SUSD4: variants seen among roughly 807,000 people sequenced by gnomAD.
SUSD4 encodes sushi domain containing 4.
SUSD4 carries 41 observed loss-of-function variants against 50.5 expected under a neutral mutation model. That is an observed-to-expected ratio of 0.81 (90% CI 0.63 to 1.05). The LOEUF is 1.05. SUSD4 is among the 50% of genes least tolerant of loss of function. The pLI is 0.00. For synonymous variants in SUSD4, 257 were observed against 257.3 expected (o/e 1.00, Z 0.01); for missense variants, 580 against 634.7 (o/e 0.91, Z 0.93).
In SUSD4 at chr1:223,292,592, G is replaced by C. The variant is rs1393048406; in HGVS notation, c.208C>G (p.Pro70Ala). Residue 70 changes from proline to alanine, a missense_variant, in exon 3 of 9, where the codon CCC becomes GCC. Physicochemically the swap from Pro to Ala is conservative, Grantham distance 27 (BLOSUM62 -1). Transcript: ENST00000366878. ...CCTTCAAAGAAAACCCCTCCGCTGGGGGTCCTGAAGCCATTCTCGGGAATG... is the reference window on the plus strand; with the variant it reads ...CCTTCAAAGAAAACCCCTCCGCTGGCGGTCCTGAAGCCATTCTCGGGAATG... ...PGIPENGFRTPSGGVFFEGSV... is the reference protein window; with the variant it reads ...PGIPENGFRTASGGVFFEGSV... 5 of 1,614,098 alleles carry C rather than the reference G, an allele frequency of 3.1e-6. No homozygotes were observed. The South Asian group carries it at 4.4e-5, about 14-fold the overall frequency.
rs2103004895 is a variant in SUSD4 at position 223,231,985 on chromosome 1, C to T, written c.725-2597G>A. Among the ~76,000 whole-genome samples the T allele has an allele frequency of 6.6e-6, 1 of 152,234 alleles. No individual in the cohort carries two copies. Among genetic ancestry groups the T allele is most frequent in the South Asian group, 2.1e-4 (1 of 4,816 alleles). On this transcript the variant is annotated intron_variant, in intron 5 of 8. Transcript: ENST00000366878. The surrounding 1 kb of genome is among the most constrained non-coding windows in gnomAD (Gnocchi z 4.2). ...ATATACACCACAGAATATTATTCAG[C>T]CTTAAAAAGGAAGGAAATCCTGCCA... is the stretch of plus-strand genomic sequence containing the variant.
Position 223,353,986 on chromosome 1 carries a change from G to A in SUSD4, c.148+9292C>T, listed in dbSNP as rs942898914. On this transcript the variant is annotated intron_variant, in intron 2 of 8. Transcript: ENST00000366878. ...GCAGAAGCTGCAGCGAGCCGAGATC[G>A]TGGCACTGCACTCCAGCCTGGGCAA... Among the ~76,000 whole-genome samples, 10 of 151,848 alleles carry A rather than the reference G, an allele frequency of 6.6e-5. No individual in the cohort carries two copies. In the South Asian group the frequency reaches 8.3e-4, roughly 13 times the overall value.
At chr1:223,320,619 G>C (rs1443728424) in intron 2 of SUSD4, among the ~76,000 whole-genome samples, 1 of 152,218 alleles carries the variant, frequency 6.6e-6, no homozygotes, top group African/African-American at 2.4e-5. Context: ...CAGACACACA[G>C]AAAGAATTCC....
chr1:223,286,661 C>T (rs1388157676), intron 3 of SUSD4, among the ~76,000 whole-genome samples: 3 of 152,216 alleles, frequency 2.0e-5, no homozygotes, highest in African/African-American at 7.2e-5. Context: ...CTAAAGAAGA[C>T]AGGCAAGGAA....
chr1:223,223,515 C>G lies in SUSD4; in HGVS notation c.1178G>C (p.Gly393Ala). 1 of 1,612,874 alleles carries G rather than the reference C, an allele frequency of 6.2e-7. No homozygotes were observed. The change falls in exon 8 of 9, where the codon GGG becomes GCG. Residue 393 changes from glycine to alanine, a missense_variant. Coordinates refer to ENST00000366878, the MANE Select transcript of SUSD4 (RefSeq NM_017982.4). ...VSGGLSALGP[G>A]YMASVGQGCP... ...GCCCTGGCCCACAGAGGCCATGTAC[C>G]CGGGGCCTAAGGCACTCAAGCCGCC...
chr1:223,268,693 G>T lies in SUSD4; in HGVS notation c.362-18C>A. On this transcript the variant is annotated intron_variant, in intron 3 of 8. Coordinates refer to ENST00000366878, the MANE Select transcript of SUSD4 (RefSeq NM_017982.4). ...ACGGCAATCTGCAATTTTGTAAAAG[G>T]TACACATTATTTTTGGAATTTTAAA... The T allele has an allele frequency of 6.2e-7, 1 of 1,600,662 alleles. No individual in the cohort carries two copies. Among genetic ancestry groups the T allele is most frequent in the Non-Finnish European group, 8.5e-7 (1 of 1,173,264 alleles).
At chr1:223,352,324 C>T (rs1668412558) in intron 2 of SUSD4, among the ~76,000 whole-genome samples, 1 of 152,176 alleles carries the variant, frequency 6.6e-6, no homozygotes, top group Non-Finnish European at 1.5e-5. Context: ...GTGCTCATTT[C>T]CATGTAAATG....
intron 2 of SUSD4, among the ~76,000 whole-genome samples, chr1:223,357,293 CAA>C: frequency 6.6e-6 from 1 of 152,182 alleles, no homozygotes. Flanking sequence ...TCACAACACA[CAA>C]GAGTTCCCTT....
chr1:223,230,409 C>T (rs931216632), intron 5 of SUSD4: 9 of 151,734 alleles, frequency 5.9e-5, no homozygotes, highest in African/African-American at 1.9e-4. Flanking sequence ...AAAACCTAAA[C>T]GAAAAAGAGT....
chr1:223,327,384 T>A (rs1057306859), intron 2 of SUSD4, among the ~76,000 whole-genome samples: 2 of 152,190 alleles, frequency 1.3e-5, no homozygotes, highest in African/African-American at 4.8e-5. Context: ...TTAGGTACAA[T>A]GTACATGACT....
In SUSD4 at chr1:223,229,169, C is replaced by T. The variant is rs1390471281; in HGVS notation, c.916+28G>A. On this transcript the variant is annotated intron_variant, in intron 6 of 8. Transcript: ENST00000366878. This position sits in a 1 kb window ranked among gnomAD's most constrained non-coding sequence, Gnocchi z 4.7. ...CAGATGGTCCAAGGAGGGTCCATCT[C>T]CTCCAAGGGTGAGGCCTTCAGTCTT... The T allele has an allele frequency of 7.0e-6, 11 of 1,580,678 alleles. No homozygotes were observed. Among genetic ancestry groups the T allele is most frequent in the Non-Finnish European group, 9.5e-6 (11 of 1,154,598 alleles).
At chr1:223,258,914 A>G (rs2103060929) in intron 5 of SUSD4, among the ~76,000 whole-genome samples, 1 of 152,232 alleles carries the variant, frequency 6.6e-6, no homozygotes, top group Non-Finnish European at 1.5e-5. Flanking sequence ...TGACCCTCCC[A>G]GTTCTTTCGA....
chr1:223,274,041 G>A (rs1181142578), intron 3 of SUSD4, among the ~76,000 whole-genome samples: 2 of 152,086 alleles, frequency 1.3e-5, no homozygotes, highest in Non-Finnish European at 2.9e-5. Context: ...CACAAGTGAG[G>A]GGGGTCTTGG....
intron 2 of SUSD4, among the ~76,000 whole-genome samples, chr1:223,351,596 G>T (rs1287254322): frequency 6.6e-6 from 1 of 152,168 alleles, no homozygotes; most frequent in East Asian, 1.9e-4. Context: ...TGACAGAGGG[G>T]CGCCCAGATG....
At chr1:223,336,853 C>T (rs78635455) in intron 2 of SUSD4, among the ~76,000 whole-genome samples, 242 of 152,236 alleles carry the variant, frequency 1.6e-3, no homozygotes, top group African/African-American at 5.6e-3. Context: ...CAAAGAGTAT[C>T]TGGTGAAATG....
chr1:223,346,425 G>A (rs572804280), intron 2 of SUSD4, among the ~76,000 whole-genome samples: 46 of 152,206 alleles, frequency 3.0e-4, no homozygotes, highest in Admixed American at 1.0e-3. Context: ...GGTTCAAGGC[G>A]TACTGCAGAA....
chr1:223,262,673 C>T (rs1662204499), intron 5 of SUSD4, among the ~76,000 whole-genome samples: 1 of 152,200 alleles, frequency 6.6e-6, no homozygotes, highest in Non-Finnish European at 1.5e-5. Context: ...CCCCTCTGTG[C>T]CTCTCAGTTT....
At chr1:223,281,642 C>T (rs987215530) in intron 3 of SUSD4, among the ~76,000 whole-genome samples, 9 of 152,090 alleles carry the variant, frequency 5.9e-5, no homozygotes, top group African/African-American at 2.2e-4. Flanking sequence ...GATTCACAGC[C>T]GAATTCTACT....
At chr1:223,320,427 C>T (rs758412742) in intron 2 of SUSD4, among the ~76,000 whole-genome samples, 53 of 151,942 alleles carry the variant, frequency 3.5e-4, no homozygotes, top group Non-Finnish European at 6.6e-4. Context: ...TCCCTCTGGG[C>T]CTGAGCTAGC....
Sources: allele counts gnomAD v4.1 joint callset (sites outside exome capture counted in the v4.1 genomes callset), GRCh38; gene constraint gnomAD v4.1.1; non-coding constraint Gnocchi (gnomAD v3.1); transcripts MANE v1.5; gene names NCBI Gene and HGNC (gene_info 2026-07-23, HGNC 2026-07-21).